Variants in KIF13B observed in about 807,000 individuals in gnomAD.
KIF13B encodes the protein kinesin-like protein KIF13B.
A neutral mutation model predicts 222.0 loss-of-function variants in KIF13B; 127 were observed. The ratio of observed to expected loss-of-function variants is 0.57; its 90% CI spans 0.50 to 0.66. KIF13B has a LOEUF of 0.66. Ranked by LOEUF, KIF13B falls within the 30% of genes least tolerant of loss-of-function variation. The pLI is 0.00. For synonymous variants in KIF13B, 976 were observed against 919.0 expected, an observed-to-expected ratio of 1.06 and a Z score of -1.12; for missense variants, 2,173 against 2,379.0, an observed-to-expected ratio of 0.91 and a Z score of 1.80.
rs749258265 is a variant in KIF13B, at chr8:29,099,237, C to T, written c.4220G>A (p.Arg1407Gln). The change falls in exon 36 of 40, where the codon CGG (arginine) becomes CAG (glutamine). Residue 1407 changes from arginine to glutamine, a missense_variant. Coordinates refer to ENST00000524189, the MANE Select transcript of KIF13B (RefSeq NM_015254.4). ...PSYSLGSNKG[R>Q]WESQQDVSQT... ...GGATACATCCTGCTGACTTTCCCAC[C>T]GGCCCTAGTAAAGACAAAATTGGCA... 8 of 1,607,418 alleles carry T rather than the reference C, an allele frequency of 5.0e-6. No individual in the cohort carries two copies. Among genetic ancestry groups the T allele is most frequent in the Middle Eastern group, 1.6e-4 (1 of 6,062 alleles).
intron 12 of KIF13B, among the ~76,000 whole-genome samples, 178 bp from the exon 13 acceptor site, chr8:29,161,045 T>C (rs1264104046): frequency 2.0e-5 from 3 of 152,258 alleles, no homozygotes; most frequent in African/African-American, 7.2e-5. Context: ...GATTTTTTTG[T>C]TAATTCTAAT....
rs188004797 is a variant in KIF13B, at chr8:29,150,256, A to G, written c.1622+41T>C. The G allele has an allele frequency of 3.1e-3, 3,438 of 1,102,524 alleles. 6 individuals carry two copies. Among genetic ancestry groups the G allele is most frequent in the South Asian group, 4.6e-3 (332 of 72,172 alleles). 68.3% of individuals were successfully genotyped at this position (1,102,524 alleles called of 1,614,324 possible). A position where few individuals can be genotyped will look rare whatever the true frequency, so the allele number is the denominator to read the frequency against. ...CATGTATTTTCTATTTCAGAGCACA[A>G]TCTTCAACAATCTCTTTAAGGGACA... On this transcript the variant is annotated intron_variant, in intron 15 of 39. Transcript: ENST00000524189.
At chr8:29,132,997 A>G (rs981361391) in intron 22 of KIF13B, among the ~76,000 whole-genome samples, 4 of 152,204 alleles carry the variant, frequency 2.6e-5, no homozygotes, top group African/African-American at 9.6e-5. Context: ...ATTTAGCTCT[A>G]AAACAGTTTA....
At chr8:29,228,173 C>T (rs1815110352) in intron 2 of KIF13B, among the ~76,000 whole-genome samples, 1 of 151,282 alleles carries the variant, frequency 6.6e-6, no homozygotes, top group Non-Finnish European at 1.5e-5. Context: ...AAAATAATGA[C>T]TAAAAATATG....
At chr8:29,094,211 C>G (rs1286491666) in intron 36 of KIF13B, among the ~76,000 whole-genome samples, 1 of 150,804 alleles carries the variant, frequency 6.6e-6, no homozygotes, top group Non-Finnish European at 1.5e-5. Flanking sequence ...AATCAAGGAT[C>G]TAGCTCTACC....
At chr8:29,233,861 CAT>C (rs1491196516) in intron 2 of KIF13B, among the ~76,000 whole-genome samples, 11 of 152,052 alleles carry the variant, frequency 7.2e-5, no homozygotes, top group Admixed American at 2.0e-4. Context: ...CTCTGAAGTA[CAT>C]GTGTGTGTGT....
intron 38 of KIF13B, among the ~76,000 whole-genome samples, chr8:29,074,096 C>T (rs1385862550): frequency 6.6e-6 from 1 of 152,138 alleles, no homozygotes; most frequent in Non-Finnish European, 1.5e-5. Context: ...GGCTTCTGTT[C>T]CCCGCCCCCA....
intron 37 of KIF13B, among the ~76,000 whole-genome samples, chr8:29,082,681 AAAACT>A (rs1807866425): frequency 6.6e-6 from 1 of 152,124 alleles, no homozygotes; most frequent in South Asian, 2.1e-4. Context: ...CATAATACTT[AAAACT>A]GATTTAAGCG....
chr8:29,194,957 T>TA lies in KIF13B; in HGVS notation c.162+1229dup, dbSNP rs199827160. On this transcript the variant is annotated intron_variant, in intron 3 of 39. Transcript: ENST00000524189. ...CCTCCAGCCTCTGCACCAATAAAAA[T>TA]AAAAAAAAAGCTGGGCACGGTCGCT... Among the ~76,000 whole-genome samples the TA allele has an allele frequency of 2.8e-4, 42 of 150,882 alleles. 2 individuals are homozygous for TA. The highest frequency in any genetic ancestry group is 1.3e-3 in the South Asian group (6 of 4,770).
At chr8:29,105,697 C>G (rs544134582) in intron 35 of KIF13B, among the ~76,000 whole-genome samples, 2 of 109,504 alleles carry the variant, frequency 1.8e-5, no homozygotes, top group Non-Finnish European at 3.3e-5. Flanking sequence ...CTCGCTCTGT[C>G]GCCCAGGCTG....
At chr8:29,254,705 A>C (rs1196624402) in intron 1 of KIF13B, among the ~76,000 whole-genome samples, 3 of 152,236 alleles carry the variant, frequency 2.0e-5, no homozygotes, top group Non-Finnish European at 2.9e-5. Flanking sequence ...TTTCTATGGG[A>C]ATGTAAAATG....
chr8:29,228,472 A>AAAAAAAAATATATATATATAT, intron 2 of KIF13B, among the ~76,000 whole-genome samples: 1 of 117,086 alleles, frequency 8.5e-6, no homozygotes, highest in African/African-American at 3.3e-5. Context: ...ATCTTAAAAA[A>AAAAAAAAATATATATATATAT]ATATATATAT....
Position 29,090,074 on chromosome 8 carries a change from G to C in KIF13B, c.4458+2671C>G, listed in dbSNP as rs1400142184. Among the ~76,000 whole-genome samples the C allele has an allele frequency of 3.3e-5, 5 of 152,284 alleles. No individual in the cohort carries two copies. In the South Asian group the frequency reaches 1.0e-3, roughly 32 times the overall value. On this transcript the variant is annotated intron_variant, in intron 37 of 39. Transcript: ENST00000524189. Reference sequence around the variant, plus strand: ...TGGGTGGGTGGCAGGGCCAGCGCCAGAGCTCTTAGACTGAAGGCGCTTCAC... The same window carrying C: ...TGGGTGGGTGGCAGGGCCAGCGCCACAGCTCTTAGACTGAAGGCGCTTCAC...
At chr8:29,148,997 T>C (rs748922255) in intron 15 of KIF13B, among the ~76,000 whole-genome samples, 1 of 151,134 alleles carries the variant, frequency 6.6e-6, no homozygotes, top group Non-Finnish European at 1.5e-5. Context: ...AAGCTCAGAG[T>C]GAAAGGAAAG....
At chr8:29,202,497 T>C (rs1296642464) in intron 2 of KIF13B, among the ~76,000 whole-genome samples, 1 of 152,138 alleles carries the variant, frequency 6.6e-6, no homozygotes, top group Admixed American at 6.5e-5. Context: ...TTTGTACTTT[T>C]AGTAGAGGCA....
intron 16 of KIF13B, 21 bp from the exon 17 acceptor site, chr8:29,147,623 G>C (rs1250726969): frequency 1.3e-6 from 2 of 1,550,012 alleles, no homozygotes; most frequent in Non-Finnish European, 1.8e-6. Flanking sequence ...TTTTAAAAAA[G>C]ATACATGATC....
At chr8:29,140,255 C>T in intron 20 of KIF13B, 64 bp from the exon 21 acceptor site, 1 of 1,593,652 alleles carries the variant, frequency 6.3e-7, no homozygotes, top group Admixed American at 1.7e-5. Flanking sequence ...TTGAGATGAC[C>T]TCTCTTCTCT....
chr8:29,108,217 A>G lies in KIF13B; in HGVS notation c.4162-25T>C. The G allele has an allele frequency of 3.1e-6, 5 of 1,605,862 alleles. No homozygotes were observed. In the South Asian group the frequency reaches 4.5e-5, roughly 14 times the overall value. Reference sequence around the variant, plus strand: ...ACTGAAGAAGAAAGAAAGGGGGGTTAGTTATTTATGCATCAGAGCATACAC... The same window carrying G: ...ACTGAAGAAGAAAGAAAGGGGGGTTGGTTATTTATGCATCAGAGCATACAC... On this transcript the variant is annotated intron_variant, in intron 34 of 39. Coordinates refer to ENST00000524189, the MANE Select transcript of KIF13B (RefSeq NM_015254.4).
chr8:29,123,576 A>G (rs1290643423), intron 27 of KIF13B, 84 bp from the exon 28 acceptor site: 21 of 1,547,568 alleles, frequency 1.4e-5, no homozygotes, highest in Non-Finnish European at 1.8e-5. Context: ...GGATTTGCCT[A>G]TATTTCAATT....
Sources: allele counts gnomAD v4.1 joint callset (sites outside exome capture counted in the v4.1 genomes callset), GRCh38; gene constraint gnomAD v4.1.1; transcripts MANE v1.5; gene names NCBI Gene and HGNC (gene_info 2026-07-23, HGNC 2026-07-21).